OR7C1: variants seen among roughly 807,000 people sequenced by gnomAD.
OR7C1 encodes the protein olfactory receptor family 7 subfamily C member 1.
For synonymous variants in OR7C1, 152 were observed against 160.7 expected (o/e 0.95, Z 0.41); for missense variants, 324 against 383.3 (o/e 0.85, Z 1.29).
chr19:14,811,197 G>C (rs992587716), intron 1 of OR7C1, among the ~76,000 whole-genome samples: 1 of 151,874 alleles, frequency 6.6e-6, no homozygotes, highest in Non-Finnish European at 1.5e-5. Flanking sequence ...AAACTGGGTG[G>C]CTGAAAACAA....
chr19:14,799,075 A>G, exon 5 of OR7C1: 3 of 1,433,396 alleles, frequency 2.1e-6, no homozygotes, highest in Non-Finnish European at 2.8e-6. Flanking sequence ...CAAAGACACG[A>G]TAAGATATGG....
At chr19:14,799,075 A>C (rs1354447964) in exon 5 of OR7C1, 1 of 1,433,278 alleles carries the variant, frequency 7.0e-7, no homozygotes, top group African/African-American at 1.4e-5. Flanking sequence ...CAAAGACACG[A>C]TAAGATATGG....
chr19:14,811,392 T>G (rs1260357266), intron 1 of OR7C1, among the ~76,000 whole-genome samples: 1 of 151,884 alleles, frequency 6.6e-6, no homozygotes, highest in East Asian at 1.9e-4. Context: ...GTCATTTGGT[T>G]TCCTCTGCAC....
At chr19:14,806,361 T>C (rs2044666624) in intron 2 of OR7C1, among the ~76,000 whole-genome samples, 1 of 152,012 alleles carries the variant, frequency 6.6e-6, no homozygotes, top group Admixed American at 6.5e-5. Context: ...TATGCCTTCA[T>C]GTCAGGAATG....
At chr19:14,828,412 G>T (rs1302933961) in intron 1 of OR7C1, 1 of 738,426 alleles carries the variant, frequency 1.4e-6, no homozygotes. Flanking sequence ...CTCTGATTAG[G>T]AACTCCTTCC....
At chr19:14,812,607 G>C (rs1261736761) in intron 1 of OR7C1, among the ~76,000 whole-genome samples, 1 of 151,452 alleles carries the variant, frequency 6.6e-6, no homozygotes, top group African/African-American at 2.4e-5. Flanking sequence ...TCTCACTCGG[G>C]GAGCATGGAT....
At chr19:14,828,739 A>T (rs1181068596) in intron 1 of OR7C1, among the ~76,000 whole-genome samples, 3 of 137,164 alleles carry the variant, frequency 2.2e-5, no homozygotes, top group Non-Finnish European at 3.1e-5. Flanking sequence ...CAGCCTGGTG[A>T]CAGAGCGAGA....
At chr19:14,830,536 A>G (rs892019534) in intron 1 of OR7C1, among the ~76,000 whole-genome samples, 17 of 152,208 alleles carry the variant, frequency 1.1e-4, no homozygotes, top group African/African-American at 4.1e-4. Flanking sequence ...TTCAGCTTCC[A>G]TTGTATCTCC....
chr19:14,802,125 A>G (rs1193081002), intron 2 of OR7C1, among the ~76,000 whole-genome samples: 1 of 152,242 alleles, frequency 6.6e-6, no homozygotes, highest in African/African-American at 2.4e-5. Context: ...TTTTCCCACC[A>G]TCTTTCTTGG....
intron 2 of OR7C1, among the ~76,000 whole-genome samples, chr19:14,808,904 G>T (rs2044678219): frequency 6.6e-6 from 1 of 151,910 alleles, no homozygotes; most frequent in Non-Finnish European, 1.5e-5. Flanking sequence ...AATATATTTT[G>T]ATTACTTCTG....
At chr19:14,814,012 T>TATG (rs2044704849) in intron 1 of OR7C1, among the ~76,000 whole-genome samples, 1 of 151,986 alleles carries the variant, frequency 6.6e-6, no homozygotes, top group African/African-American at 2.4e-5. Context: ...TCACACCATA[T>TATG]ACAAAATTCA....
intron 1 of OR7C1, among the ~76,000 whole-genome samples, chr19:14,822,413 C>T: frequency 9.5e-6 from 1 of 105,200 alleles, no homozygotes; most frequent in Middle Eastern, 0.011. Context: ...GAGATGGAGT[C>T]TCGCTCTGTC....
intron 1 of OR7C1, among the ~76,000 whole-genome samples, chr19:14,818,393 T>G (rs865931198): frequency 6.6e-6 from 1 of 152,154 alleles, no homozygotes; most frequent in Non-Finnish European, 1.5e-5. Context: ...CGCGCCCGGC[T>G]GATAAGTCAT....
chr19:14,822,846 ATTT>A (rs879410548), intron 1 of OR7C1, among the ~76,000 whole-genome samples: 1 of 137,322 alleles, frequency 7.3e-6, no homozygotes. Context: ...TCCTCTGCCT[ATTT>A]TTTTTTTTTT....
intron 2 of OR7C1, among the ~76,000 whole-genome samples, chr19:14,802,295 G>A (rs1007056251): frequency 1.3e-5 from 2 of 152,194 alleles, no homozygotes; most frequent in African/African-American, 4.8e-5. Flanking sequence ...TGAGGCGGGT[G>A]GATCACCTGA....
intron 1 of OR7C1, among the ~76,000 whole-genome samples, chr19:14,830,020 C>T (rs1440450683): frequency 6.6e-6 from 1 of 152,310 alleles, no homozygotes; most frequent in East Asian, 1.9e-4. Context: ...GTGCCGCCAC[C>T]CTTGGCTGAT....
At position 14,818,057 on chromosome 19, in the gene OR7C1, A is replaced by ATTTAT. The variant is rs139064191; in HGVS notation, c.-622-8069_-622-8065dup. On this transcript the variant is annotated intron_variant, in intron 1 of 4. Transcript: ENST00000641666. ...CAGCAGTTAATAAGTCATACATTTT[A>ATTTAT]TTTATTTTATTTATTTATTTATTTA... Among the ~76,000 whole-genome samples, 1,066 of 138,584 alleles carry ATTTAT rather than the reference A, an allele frequency of 7.7e-3. 13 individuals carry two copies. The highest frequency in any genetic ancestry group is 0.021 in the East Asian group (100 of 4,726). The allele number at this position is 138,584 out of a possible 152,430, so 90.9% of individuals were successfully genotyped here.
intron 2 of OR7C1, among the ~76,000 whole-genome samples, chr19:14,802,482 T>G (rs1255680075): frequency 6.6e-6 from 1 of 152,204 alleles, no homozygotes; most frequent in Admixed American, 6.5e-5. Flanking sequence ...ATTGTACCAC[T>G]GCACTCCAGC....
chr19:14,807,721 C>A (rs752919479), intron 2 of OR7C1, among the ~76,000 whole-genome samples: 20 of 151,794 alleles, frequency 1.3e-4, no homozygotes, highest in Non-Finnish European at 2.2e-4. Context: ...ACGGTGAAAC[C>A]CTGTCTCTAC....
Sources: gnomAD v4.1 joint callset for allele counts (sites outside exome capture counted in the v4.1 genomes callset) on GRCh38, gnomAD v4.1.1 for gene constraint, MANE v1.5 for transcripts, NCBI Gene and HGNC (gene_info 2026-07-23, HGNC 2026-07-21) for gene names.